Variants in TTC3 observed in about 807,000 individuals in gnomAD.
TTC3 encodes the protein tetratricopeptide repeat domain 3, also known as E3 ubiquitin-protein ligase TTC3.
Under a neutral mutation model 249.6 loss-of-function variants are expected in TTC3, and 180 were observed. That is an observed-to-expected ratio of 0.72 (90% CI 0.64 to 0.82). The LOEUF is 0.82. Among genes scored for constraint, TTC3 ranks in the 40% least tolerant of loss-of-function variants. The pLI is 0.00. For missense variants in TTC3, 2,061 were observed against 2,398.4 expected (o/e 0.86, Z 2.94); for synonymous variants, 717 against 805.0 (o/e 0.89, Z 1.85).
At chr21:37,135,873 T>C (rs2077887579) in intron 18 of TTC3, among the ~76,000 whole-genome samples, 1 of 152,274 alleles carries the variant, frequency 6.6e-6, no homozygotes, top group African/African-American at 2.4e-5. Context: ...ACAATGCATT[T>C]GTTACAAATT....
At chr21:37,137,887 C>T (rs2078099141) in intron 18 of TTC3, among the ~76,000 whole-genome samples, 1 of 152,164 alleles carries the variant, frequency 6.6e-6, no homozygotes, top group Admixed American at 6.6e-5. Context: ...AAGGCAAGAC[C>T]ATCCACCAAC....
chr21:37,100,148 G>A (rs1333173134), intron 10 of TTC3, among the ~76,000 whole-genome samples: 1 of 152,148 alleles, frequency 6.6e-6, no homozygotes, highest in Non-Finnish European at 1.5e-5. Flanking sequence ...GGAGTTGGGA[G>A]GGGTGGTACA....
At chr21:37,103,341 TCA>T (rs915384035) in intron 10 of TTC3, among the ~76,000 whole-genome samples, 3 of 152,198 alleles carry the variant, frequency 2.0e-5, no homozygotes, top group African/African-American at 7.2e-5. Flanking sequence ...ACTCACCATG[TCA>T]CACAGTCTTC....
chr21:37,092,167 G>A (rs1482196327), intron 7 of TTC3, among the ~76,000 whole-genome samples: 1 of 152,126 alleles, frequency 6.6e-6, no homozygotes, highest in East Asian at 1.9e-4. Flanking sequence ...TTGAATATTA[G>A]CAGTGTTTTT....
At chr21:37,185,953 G>A (rs1341496305) in intron 37 of TTC3, 179 bp downstream of exon 37, 1 of 256,504 alleles carries the variant, frequency 3.9e-6, no homozygotes, top group Non-Finnish European at 7.5e-6. Flanking sequence ...TATATTCTTT[G>A]AATATTTAAA....
chr21:37,155,532 G>T (rs1427622478), intron 27 of TTC3, among the ~76,000 whole-genome samples: 1 of 152,186 alleles, frequency 6.6e-6, no homozygotes, highest in Non-Finnish European at 1.5e-5. Context: ...CATGATCTCT[G>T]CAAGCTAACT....
At chr21:37,189,962 C>T (rs1406106260) in intron 39 of TTC3, among the ~76,000 whole-genome samples, 2 of 151,940 alleles carry the variant, frequency 1.3e-5, no homozygotes, top group African/African-American at 2.4e-5. Context: ...TGTGGGATTA[C>T]TTTTCATTGA....
chr21:37,153,334 C>T, intron 27 of TTC3, 57 bp downstream of exon 27: 1 of 1,444,070 alleles, frequency 6.9e-7, no homozygotes, highest in Non-Finnish European at 9.4e-7. Flanking sequence ...AAGTGTAGGT[C>T]TCTGAGTCAT....
intron 20 of TTC3, among the ~76,000 whole-genome samples, chr21:37,141,683 C>T (rs2147963579): frequency 6.6e-6 from 1 of 152,190 alleles, no homozygotes; most frequent in Middle Eastern, 3.4e-3. Context: ...CAGAAAGAAT[C>T]ACTTGAACCC....
exon 46 of TTC3, chr21:37,201,858 T>G: frequency 4.9e-6 from 2 of 407,910 alleles, no homozygotes; most frequent in South Asian, 5.8e-5. Context: ...TGGAAAGTAC[T>G]ATGAACGTCT....
intron 39 of TTC3, among the ~76,000 whole-genome samples, chr21:37,190,292 C>A (rs1019974588): frequency 2.6e-5 from 4 of 151,582 alleles, no homozygotes; most frequent in Admixed American, 2.6e-4. Flanking sequence ...CCCACCACCA[C>A]GCCAGGCTGA....
intron 19 of TTC3, among the ~76,000 whole-genome samples, chr21:37,140,224 A>G (rs2078313454): frequency 6.6e-6 from 1 of 152,202 alleles, no homozygotes; most frequent in Non-Finnish European, 1.5e-5. Context: ...TTACACCATA[A>G]TTAGCCTTTT....
intron 34 of TTC3, among the ~76,000 whole-genome samples, chr21:37,169,809 C>T (rs1244066212): frequency 1.3e-5 from 2 of 151,228 alleles, no homozygotes; most frequent in African/African-American, 4.9e-5. Flanking sequence ...GATTGCGCCA[C>T]TGCACTCTAG....
chr21:37,122,238 GA>G lies in TTC3; in HGVS notation c.1063+268del, dbSNP rs913175824. ...CCAAATTGTTATTTATTCCTCTGTAGAAAAAAAAATCCCTTTCAGAAATTTT... is the reference window on the plus strand; with the variant it reads ...CCAAATTGTTATTTATTCCTCTGTAGAAAAAAAATCCCTTTCAGAAATTTT... On this transcript the variant is annotated intron_variant, in intron 12 of 45. Coordinates refer to ENST00000355666, the Ensembl canonical transcript of TTC3. 4.7e-5 allele frequency among the ~76,000 whole-genome samples: 7 copies of G among 148,622 alleles called. No individual in the cohort carries two copies. In the South Asian group the frequency reaches 8.5e-4, roughly 18 times the overall value.
Position 37,191,424 on chromosome 21 carries a change from G to A in TTC3, c.5115G>A (p.Lys1705=), listed in dbSNP as rs2835655. ...TTACAAAAGAAATTGAGAAAGCAAA[G>A]GTAAGTTGTAAACATCTTTTAATCC... Residue 1705 remains lysine (K), a splice_region_variant and synonymous_variant, in exon 40 of 46, where the codon AAG becomes AAA. Transcript: ENST00000355666. 0.33 allele frequency: 510,640 copies of A among 1,556,406 alleles called. 87,188 individuals are homozygous for A. The highest frequency in any genetic ancestry group is 0.52 in the South Asian group (41,542 of 79,866).
chr21:37,143,691 C>T (rs1303938542), intron 20 of TTC3, among the ~76,000 whole-genome samples: 1 of 151,006 alleles, frequency 6.6e-6, no homozygotes, highest in Non-Finnish European at 1.5e-5. Context: ...GTGGCGATTC[C>T]TCAGGGATCT....
chr21:37,126,182 A>G (rs781086500), intron 15 of TTC3, 39 bp downstream of exon 15: 149 of 1,593,638 alleles, frequency 9.3e-5, no homozygotes, highest in Non-Finnish European at 1.2e-4. Context: ...CCAAGTTAAT[A>G]TAATGTCTCC....
At chr21:37,088,608 T>G (rs1375400493) in intron 4 of TTC3, among the ~76,000 whole-genome samples, 191 bp from the exon 5 acceptor site, 1 of 152,192 alleles carries the variant, frequency 6.6e-6, no homozygotes, top group Non-Finnish European at 1.5e-5. Flanking sequence ...TAAGTATCAG[T>G]GTTATAGTGC....
At chr21:37,180,174 A>G (rs2082626421) in intron 35 of TTC3, among the ~76,000 whole-genome samples, 1 of 151,838 alleles carries the variant, frequency 6.6e-6, no homozygotes, top group South Asian at 2.1e-4. Flanking sequence ...GTTTGTTTTT[A>G]TGTTTTATAT....
Sources: gnomAD v4.1 joint callset for allele counts (sites outside exome capture counted in the v4.1 genomes callset) on GRCh38, gnomAD v4.1.1 for gene constraint, MANE v1.5 for transcripts, NCBI Gene and HGNC (gene_info 2026-07-23, HGNC 2026-07-21) for gene names.